PABPC4L: variants seen among roughly 807,000 people sequenced by gnomAD.
PABPC4L encodes poly(A) binding protein cytoplasmic 4 like, also known as polyadenylate-binding protein 4-like.
For missense variants in PABPC4L, 452 were observed against 451.4 expected (o/e 1.00, Z -0.01); for synonymous variants, 169 against 164.1 (o/e 1.03, Z -0.23).
chr4:133,972,332 T>TTTGAA, the PABPC4L span, among the ~76,000 whole-genome samples: 3 of 152,182 alleles, frequency 2.0e-5, no homozygotes, highest in African/African-American at 7.2e-5. Flanking sequence ...GTATACTTAT[T>TTTGAA]TTGAATGAAT....
At chr4:134,153,467 A>G in the PABPC4L span, among the ~76,000 whole-genome samples, 2 of 152,116 alleles carry the variant, frequency 1.3e-5, no homozygotes, top group South Asian at 2.1e-4. Context: ...ACAAATCACA[A>G]TTTTGAGTTT....
chr4:134,201,391 G>A, intron 1 of PABPC4L, 146 bp from the exon 2 acceptor site: 1 of 943,062 alleles, frequency 1.1e-6, no homozygotes, highest in Non-Finnish European at 1.4e-6. Context: ...AATAGGCCTC[G>A]CTCAGAGTGG....
the PABPC4L span, among the ~76,000 whole-genome samples, chr4:134,019,096 C>T: frequency 6.6e-6 from 1 of 151,990 alleles, no homozygotes; most frequent in African/African-American, 2.4e-5. Context: ...ATTGAAACAA[C>T]ATTTAAATAA....
chr4:134,118,807 C>T, the PABPC4L span, among the ~76,000 whole-genome samples: 1 of 151,756 alleles, frequency 6.6e-6, no homozygotes, highest in South Asian at 2.1e-4. Flanking sequence ...TTGACATTTA[C>T]CATCTGCTTT....
At chr4:134,154,060 C>T in the PABPC4L span, among the ~76,000 whole-genome samples, 1 of 151,434 alleles carries the variant, frequency 6.6e-6, no homozygotes, top group African/African-American at 2.4e-5. Context: ...ATCAAGGAAC[C>T]AAGAAAAATC....
chr4:134,160,006 A>G, the PABPC4L span, among the ~76,000 whole-genome samples: 1 of 152,162 alleles, frequency 6.6e-6, no homozygotes, highest in Admixed American at 6.5e-5. Context: ...CATGGTGTTT[A>G]TAGACCCACC....
the PABPC4L span, among the ~76,000 whole-genome samples, chr4:133,981,172 A>T: frequency 5.3e-5 from 8 of 151,986 alleles, no homozygotes; most frequent in South Asian, 1.7e-3. Flanking sequence ...GAAAAAAAAA[A>T]AATAGTAACA....
In PABPC4L at chr4:134,200,824, T is replaced by G. The variant is rs1729843287; in HGVS notation, c.196A>C (p.Lys66Gln). 1 of 1,554,620 alleles carries G rather than the reference T, an allele frequency of 6.4e-7. No homozygotes were observed. The highest frequency in any genetic ancestry group is 1.4e-5 in the African/African-American group (1 of 73,326). The part of the protein sequence containing the change: ...VNFLQLADAQ[K>Q]ALDTMNFDII... ...TCAAAGTTCATTGTGTCCAGCGCCT[T>G]CTGGGCATCAGCCAGCTGCAAGAAG... is the stretch of plus-strand genomic sequence containing the variant. The change falls in exon 2 of 2, where the codon AAG becomes CAG. Residue 66 changes from lysine to glutamine, a missense_variant. Coordinates refer to ENST00000421491, the MANE Select transcript of PABPC4L (RefSeq NM_001114734.2).
At chr4:134,124,504 G>T in the PABPC4L span, among the ~76,000 whole-genome samples, 2 of 152,004 alleles carry the variant, frequency 1.3e-5, no homozygotes, top group Non-Finnish European at 2.9e-5. Context: ...GTACATGGAA[G>T]ATCACCCTGT....
At chr4:134,095,338 T>C in the PABPC4L span, among the ~76,000 whole-genome samples, 1 of 152,050 alleles carries the variant, frequency 6.6e-6, no homozygotes, top group East Asian at 1.9e-4. Context: ...TGTGATACAA[T>C]AGCTATATAT....
chr4:134,117,032 CT>C, the PABPC4L span, among the ~76,000 whole-genome samples: 1 of 150,936 alleles, frequency 6.6e-6, no homozygotes, highest in Non-Finnish European at 1.5e-5. Context: ...ATTTTTCTGT[CT>C]CTTTTTTTCT....
chr4:134,019,197 C>T, the PABPC4L span, among the ~76,000 whole-genome samples: 13 of 152,182 alleles, frequency 8.5e-5, 1 homozygote, highest in African/African-American at 3.1e-4. Flanking sequence ...GTCAGCCTAA[C>T]TCATAATTTC....
chr4:134,121,183 T>C, the PABPC4L span, among the ~76,000 whole-genome samples: 1 of 151,374 alleles, frequency 6.6e-6, no homozygotes. Flanking sequence ...TATTATCTCA[T>C]AAAAGTCTTA....
At chr4:134,039,172 A>G in the PABPC4L span, among the ~76,000 whole-genome samples, 1 of 152,126 alleles carries the variant, frequency 6.6e-6, no homozygotes, top group Non-Finnish European at 1.5e-5. Context: ...ACGTCACTGC[A>G]CTGTGGTCTG....
the PABPC4L span, among the ~76,000 whole-genome samples, chr4:134,057,441 C>T: frequency 5.6e-4 from 85 of 152,166 alleles, no homozygotes; most frequent in Middle Eastern, 0.024. Context: ...CACTAGGCCT[C>T]ATCTAGCACT....
chr4:134,094,710 A>T, the PABPC4L span, among the ~76,000 whole-genome samples: 1 of 151,902 alleles, frequency 6.6e-6, no homozygotes, highest in African/African-American at 2.4e-5. Context: ...CAAATAAATT[A>T]TAATTAACAA....
chr4:134,038,146 C>G, the PABPC4L span, among the ~76,000 whole-genome samples: 3 of 152,070 alleles, frequency 2.0e-5, no homozygotes, highest in African/African-American at 7.2e-5. Flanking sequence ...GTATGTTGAA[C>G]CAGCCTTGCA....
the PABPC4L span, among the ~76,000 whole-genome samples, chr4:134,039,767 CTT>C: frequency 6.6e-6 from 1 of 152,002 alleles, no homozygotes; most frequent in Non-Finnish European, 1.5e-5. Context: ...GGTCTTGACT[CTT>C]TATCTAATCT....
At chr4:134,045,164 T>A in the PABPC4L span, among the ~76,000 whole-genome samples, 1 of 152,190 alleles carries the variant, frequency 6.6e-6, no homozygotes, top group African/African-American at 2.4e-5. Flanking sequence ...AATCATCCTC[T>A]GAAATATCAG....
Sources: gnomAD v4.1 joint callset for allele counts (sites outside exome capture counted in the v4.1 genomes callset) on GRCh38, gnomAD v4.1.1 for gene constraint, MANE v1.5 for transcripts, NCBI Gene and HGNC (gene_info 2026-07-23, HGNC 2026-07-21) for gene names.